APC: variants seen among roughly 807,000 people sequenced by gnomAD.
APC encodes adenomatous polyposis coli protein.
Under a neutral mutation model 247.0 loss-of-function variants are expected in APC, and 72 were observed. That is an observed-to-expected ratio of 0.29 (90% CI 0.24 to 0.35). APC has a LOEUF of 0.35. Ranked by LOEUF, APC falls within the 10% of genes least tolerant of loss-of-function variation. The pLI, the probability that APC is intolerant of heterozygous loss-of-function variation, is 1.00. For synonymous variants in APC, 1,254 were observed against 1,162.5 expected (o/e 1.08, Z -1.60); for missense variants, 3,400 against 3,360.7 (o/e 1.01, Z -0.29).
At chr5:112,828,140 A>G (rs573552673) in intron 13 of APC, 134 bp downstream of exon 13, 127 of 760,664 alleles carry the variant, frequency 1.7e-4, no homozygotes, top group Admixed American at 3.2e-4. Flanking sequence ...GGTTCAAGCA[A>G]TCCTCCCACT....
At chr5:112,823,034 T>G (rs1379207625) in intron 11 of APC, among the ~76,000 whole-genome samples, 2 of 152,226 alleles carry the variant, frequency 1.3e-5, no homozygotes, top group Non-Finnish European at 2.9e-5. Context: ...CCCCCTGGTC[T>G]CCTGTGGATT....
intron 8 of APC, among the ~76,000 whole-genome samples, chr5:112,806,054 A>G (rs78088437): frequency 6.6e-6 from 1 of 152,016 alleles, no homozygotes. Flanking sequence ...GCCTTCTCCT[A>G]CCACAGCCTG....
intron 1 of APC, among the ~76,000 whole-genome samples, chr5:112,754,428 A>T (rs1754725113): frequency 6.6e-6 from 1 of 152,160 alleles, no homozygotes; most frequent in Admixed American, 6.5e-5. Flanking sequence ...GGAATATGTA[A>T]TCTCATTAAT....
intron 12 of APC, 147 bp downstream of exon 12, chr5:112,827,394 T>C (rs56194248): frequency 0.011 from 10,541 of 930,588 alleles, 114 homozygotes; most frequent in Non-Finnish European, 0.012. Flanking sequence ...TTCGCTTATC[T>C]TTACTCATTT....
intron 6 of APC, among the ~76,000 whole-genome samples, chr5:112,789,064 A>G (rs935621829): frequency 6.6e-6 from 1 of 152,212 alleles, no homozygotes; most frequent in Non-Finnish European, 1.5e-5. Flanking sequence ...TTATCAAGTT[A>G]AGGGATTTAC....
chr5:112,807,796 C>T (rs1475995064), intron 8 of APC, among the ~76,000 whole-genome samples: 1 of 152,018 alleles, frequency 6.6e-6, no homozygotes, highest in African/African-American at 2.4e-5. Flanking sequence ...AAGAAGATTC[C>T]AGGCATCATC....
chr5:112,730,950 A>C (rs996916849), intron 1 of APC, among the ~76,000 whole-genome samples: 1 of 151,948 alleles, frequency 6.6e-6, no homozygotes, highest in African/African-American at 2.4e-5. Context: ...ATGATGTTTT[A>C]TCTCTCTCTG....
rs2149885151 is a variant in APC at position 112,838,729 on chromosome 5, G to A, written c.3135G>A (p.Gln1045=). Residue 1045 remains glutamine (Q), a synonymous_variant, in exon 16 of 16, where the codon CAG becomes CAA. Transcript: ENST00000257430. ...QLNSGRQSPS[Q]NERWARPKHI... is the part of the protein sequence containing the mutation. ...ACTCTGGAAGGCAAAGTCCTTCACA[G>A]AATGAAAGATGGGCAAGACCCAAAC... The A allele has an allele frequency of 6.2e-7, 1 of 1,614,146 alleles. No homozygotes were observed. The highest frequency in any genetic ancestry group is 8.5e-7 in the Non-Finnish European group (1 of 1,180,020).
At chr5:112,806,450 A>C (rs1459878937) in intron 8 of APC, among the ~76,000 whole-genome samples, 1 of 152,214 alleles carries the variant, frequency 6.6e-6, no homozygotes, top group African/African-American at 2.4e-5. Flanking sequence ...CTCTCATGGA[A>C]GTTAAATGGA....
intron 4 of APC, among the ~76,000 whole-genome samples, chr5:112,774,454 T>C (rs1757379266): frequency 6.7e-6 from 1 of 148,612 alleles, no homozygotes; most frequent in Non-Finnish European, 1.5e-5. Flanking sequence ...ATTTGTGTTC[T>C]GCAAGATCGA....
intron 1 of APC, among the ~76,000 whole-genome samples, chr5:112,753,062 T>G (rs564139063): frequency 2.0e-4 from 30 of 152,270 alleles, no homozygotes; most frequent in African/African-American, 7.2e-4. Context: ...TTTCTCTTAT[T>G]TTGTTTTATT....
intron 14 of APC, among the ~76,000 whole-genome samples, chr5:112,831,973 G>A (rs990573186): frequency 6.6e-6 from 1 of 152,080 alleles, no homozygotes; most frequent in African/African-American, 2.4e-5. Flanking sequence ...GTACTATCTT[G>A]AGTTCCTCCT....
chr5:112,792,290 TTTGTTA>T (rs2149683404), intron 6 of APC, among the ~76,000 whole-genome samples, 150 bp from the exon 7 acceptor site: 1 of 152,072 alleles, frequency 6.6e-6, no homozygotes, highest in Admixed American at 6.5e-5. Flanking sequence ...CTGACCCCAA[TTTGTTA>T]TTAAAGGGTG....
upstream of APC, among the ~76,000 whole-genome samples, chr5:112,734,024 G>A (rs1051855100): frequency 1.8e-4 from 28 of 152,184 alleles, 1 homozygote; most frequent in Admixed American, 1.5e-3. Flanking sequence ...CTTGCCCGTA[G>A]AAGACTATGA....
At chr5:112,735,984 A>G (rs908169192), upstream of APC, among the ~76,000 whole-genome samples, 7 of 152,214 alleles carry the variant, frequency 4.6e-5, no homozygotes, top group Non-Finnish European at 8.8e-5. Context: ...TAATAGGCTT[A>G]CAATTGTGTC....
At chr5:112,794,281 A>G (rs2149690283) in intron 7 of APC, among the ~76,000 whole-genome samples, 1 of 152,202 alleles carries the variant, frequency 6.6e-6, no homozygotes, top group African/African-American at 2.4e-5. Context: ...AGGTTTTGCC[A>G]TGTTGCCCAG....
In APC at chr5:112,843,657, A is replaced by C; in HGVS notation, c.8063A>C (p.Glu2688Ala). 6.2e-7 allele frequency: 1 copy of C among 1,613,996 alleles called. No individual in the cohort carries two copies. The highest frequency in any genetic ancestry group is 1.1e-5 in the South Asian group (1 of 91,068). ...CCCCCGGTGATTGACAGTGTTTCAG[A>C]AAAGGCAAATCCAAACATTAAAGAT... is the stretch of plus-strand genomic sequence containing the variant. ...NTPPVIDSVS[E>A]KANPNIKDSK... is the part of the protein sequence containing the mutation. Residue 2688 changes from glutamate to alanine, a missense_variant, in exon 16 of 16, where the codon GAA becomes GCA. Physicochemically the swap from Glu to Ala is moderately radical, Grantham distance 107. Transcript: ENST00000257430. This position sits in a 1 kb window ranked among gnomAD's most constrained non-coding sequence, Gnocchi z 4.8.
chr5:112,780,715 C>T (rs1409900525), intron 5 of APC, 75 bp from the exon 6 acceptor site: 2 of 1,030,374 alleles, frequency 1.9e-6, no homozygotes, highest in Non-Finnish European at 3.0e-6. Flanking sequence ...TTTATTGGTT[C>T]TTATATGCTT....
At chr5:112,785,429 A>G (rs1443778797) in intron 6 of APC, among the ~76,000 whole-genome samples, 1 of 152,222 alleles carries the variant, frequency 6.6e-6, no homozygotes, top group Admixed American at 6.5e-5. Context: ...AGGAAACTTT[A>G]AAGTAACTAG....
Sources: gnomAD v4.1 joint callset for allele counts (sites outside exome capture counted in the v4.1 genomes callset) on GRCh38, gnomAD v4.1.1 for gene constraint, Gnocchi (gnomAD v3.1) non-coding constraint, MANE v1.5 for transcripts, NCBI Gene and HGNC (gene_info 2026-07-23, HGNC 2026-07-21) for gene names.